The following PID1 variants were observed in gnomAD, a reference collection of about 807,000 sequenced individuals.
The protein encoded by PID1 is PTB-containing, cubilin and LRP1-interacting protein.
A neutral mutation model predicts 19.1 loss-of-function variants in PID1; 10 were observed. The ratio of observed to expected loss-of-function variants is 0.52; its 90% CI spans 0.32 to 0.89. The LOEUF is 0.89. Among genes scored for constraint, PID1 ranks in the 40% least tolerant of loss-of-function variants. The pLI, the probability that PID1 is intolerant of heterozygous loss-of-function variation, is 0.03. For synonymous variants in PID1, 130 were observed against 116.0 expected (o/e 1.12, Z -0.78); for missense variants, 248 against 285.3 (o/e 0.87, Z 0.94).
At chr2:229,089,975 C>A (rs1337447133) in intron 2 of PID1, among the ~76,000 whole-genome samples, 2 of 152,170 alleles carry the variant, frequency 1.3e-5, no homozygotes, top group African/African-American at 2.4e-5. Flanking sequence ...AAGTAAAAAA[C>A]CCATTTGGTT....
chr2:229,127,049 G>C (rs1014363911), intron 2 of PID1, among the ~76,000 whole-genome samples: 5 of 152,184 alleles, frequency 3.3e-5, no homozygotes, highest in African/African-American at 1.2e-4. Flanking sequence ...AGAATAAAAG[G>C]CCATCAGCAC....
chr2:229,134,686 AT>A (rs919100355), intron 2 of PID1, among the ~76,000 whole-genome samples: 31 of 151,838 alleles, frequency 2.0e-4, no homozygotes, highest in Middle Eastern at 3.4e-3. Context: ...GTATCACCTT[AT>A]TTTTTTTTGG....
At chr2:229,220,460 G>T (rs776050732) in intron 1 of PID1, among the ~76,000 whole-genome samples, 2 of 152,292 alleles carry the variant, frequency 1.3e-5, no homozygotes, top group African/African-American at 2.4e-5. Context: ...TGGGTTGGAC[G>T]TCAGGACTCC....
At chr2:229,032,071 A>G (rs928939818) in intron 2 of PID1, among the ~76,000 whole-genome samples, 1 of 152,220 alleles carries the variant, frequency 6.6e-6, no homozygotes, top group African/African-American at 2.4e-5. Context: ...CAAAATACCA[A>G]TGATTCAGTT....
At position 229,206,930 on chromosome 2, in the gene PID1, G is replaced by A. The variant is rs143330959; in HGVS notation, c.31-50966C>T. On this transcript the variant is annotated intron_variant, in intron 1 of 2. Coordinates refer to ENST00000392055, the MANE Select transcript of PID1 (RefSeq NM_001100818.2). The stretch of plus-strand genomic sequence containing the variant: ...TCTGGGTCAGTAGGTCTGGGGTGAC[G>A]CTTAATAGCTTACATTTCTATCAGG... Among the ~76,000 whole-genome samples, 133 of 152,256 alleles carry A rather than the reference G, an allele frequency of 8.7e-4. No individual in the cohort carries two copies. In the Middle Eastern group the frequency reaches 0.01, roughly 12 times the overall value.
At chr2:229,143,196 T>C (rs1574663453) in intron 2 of PID1, among the ~76,000 whole-genome samples, 1 of 74,506 alleles carries the variant, frequency 1.3e-5, no homozygotes, top group Non-Finnish European at 2.7e-5. Context: ...GGGACTGCTG[T>C]GGGGTAGGGG....
intron 2 of PID1, among the ~76,000 whole-genome samples, chr2:229,031,214 T>TAAAAAAAAAAAAAA (rs1274567780): frequency 2.0e-3 from 50 of 24,968 alleles, no homozygotes; most frequent in African/African-American, 8.7e-3. Flanking sequence ...AGACTCTGTC[T>TAAAAAAAAAAAAAA]CAAAAAAAAA....
Position 229,253,591 on chromosome 2 carries a change from C to CAA in PID1, c.30+17421_30+17422dup, listed in dbSNP as rs59530496. On this transcript the variant is annotated intron_variant, in intron 1 of 2. Coordinates refer to ENST00000392055, the MANE Select transcript of PID1 (RefSeq NM_001100818.2). ...GTATGTGCTTAAAAGAAATTCCAAG[C>CAA]AAAAAAAAAAAAAAAAAAATTGCAC... Among the ~76,000 whole-genome samples, 615 of 128,464 alleles carry CAA rather than the reference C, an allele frequency of 4.8e-3. 3 individuals carry two copies. Among genetic ancestry groups the CAA allele is most frequent in the African/African-American group, 0.011 (370 of 34,408 alleles). 84.3% of individuals were successfully genotyped at this position (128,464 alleles called of 152,430 possible).
chr2:229,247,706 C>T (rs1690039517), intron 1 of PID1, among the ~76,000 whole-genome samples: 1 of 152,180 alleles, frequency 6.6e-6, no homozygotes, highest in African/African-American at 2.4e-5. Flanking sequence ...AGAACAGCCC[C>T]TGCCTTTAGG....
intron 2 of PID1, among the ~76,000 whole-genome samples, chr2:229,135,191 C>CT (rs11462294): frequency 0.39 from 59,321 of 151,892 alleles, 11,746 homozygotes; most frequent in South Asian, 0.57. Flanking sequence ...CCTCCACTTG[C>CT]TTTTCTCTTG....
rs10269 is a variant in PID1 at position 229,024,381 on chromosome 2, C to A, written c.*1251G>T. The A allele has an allele frequency of 0.01, 1,559 of 152,548 alleles. 18 individuals are homozygous for A. The highest frequency in any genetic ancestry group is 0.02 in the Middle Eastern group (6 of 294). The allele number at this position is 152,548 out of a possible 1,614,324, so 9.4% of individuals were successfully genotyped here. Reference sequence around the variant, plus strand: ...GTGTGTATTTTAACAAATACAATTTCATTCTATGTTGACTCTGTGTTTATA... The same window carrying A: ...GTGTGTATTTTAACAAATACAATTTAATTCTATGTTGACTCTGTGTTTATA... On this transcript the variant is annotated 3_prime_UTR_variant, in exon 3 of 3. Coordinates refer to ENST00000392055, the MANE Select transcript of PID1 (RefSeq NM_001100818.2).
Position 229,025,584 on chromosome 2 carries a change from T to A in PID1, c.*48A>T. ...AAACGTTGCTTACTCATCTATTCCC[T>A]TGAACTCCGTGACCAATGCTGCCTT... On this transcript the variant is annotated 3_prime_UTR_variant, in exon 3 of 3. Coordinates refer to ENST00000392055, the MANE Select transcript of PID1 (RefSeq NM_001100818.2). The A allele has an allele frequency of 7.0e-7, 1 of 1,425,080 alleles. No homozygotes were observed. The allele number at this position is 1,425,080 out of a possible 1,614,324, so 88.3% of individuals were successfully genotyped here.
chr2:229,213,659 C>T (rs979020870), intron 1 of PID1, among the ~76,000 whole-genome samples: 2 of 152,184 alleles, frequency 1.3e-5, no homozygotes, highest in African/African-American at 2.4e-5. Flanking sequence ...TTCTTTAAGT[C>T]ATATATCCCT....
chr2:229,134,555 G>C (rs957500368), intron 2 of PID1, among the ~76,000 whole-genome samples: 5 of 151,906 alleles, frequency 3.3e-5, no homozygotes, highest in African/African-American at 1.2e-4. Context: ...GTTGTTATCT[G>C]ATTCCAAAAG....
At chr2:229,074,004 A>G (rs540671919) in intron 2 of PID1, among the ~76,000 whole-genome samples, 1 of 152,360 alleles carries the variant, frequency 6.6e-6, no homozygotes, top group South Asian at 2.1e-4. Context: ...ACCTCCCTGC[A>G]TCATCCAAGT....
intron 2 of PID1, among the ~76,000 whole-genome samples, chr2:229,034,929 T>G (rs2106168610): frequency 6.6e-6 from 1 of 152,170 alleles, no homozygotes; most frequent in African/African-American, 2.4e-5. Context: ...CACTGAGAAG[T>G]CAGTGGCAGT....
At chr2:229,099,726 C>T (rs1332657199) in intron 2 of PID1, among the ~76,000 whole-genome samples, 1 of 152,150 alleles carries the variant, frequency 6.6e-6, no homozygotes, top group African/African-American at 2.4e-5. Flanking sequence ...GAAATGATTT[C>T]ACTGCCTAAA....
At chr2:229,122,918 T>C (rs1695550646) in intron 2 of PID1, among the ~76,000 whole-genome samples, 1 of 152,160 alleles carries the variant, frequency 6.6e-6, no homozygotes, top group Non-Finnish European at 1.5e-5. Context: ...TATAAACTAC[T>C]GAGCTAGCAA....
At chr2:229,153,226 G>A (rs7580175) in intron 2 of PID1, among the ~76,000 whole-genome samples, 152,374 of 152,386 alleles carry the variant, frequency 1, 76,181 homozygotes, top group Non-Finnish European at 1. Context: ...ACACCAGTAC[G>A]TTTCCAGTCA....
Sources: gnomAD v4.1 joint callset for allele counts (sites outside exome capture counted in the v4.1 genomes callset) on GRCh38, gnomAD v4.1.1 for gene constraint, MANE v1.5 for transcripts, NCBI Gene and HGNC (gene_info 2026-07-23, HGNC 2026-07-21) for gene names.